The following PRKG1 variants were observed in gnomAD, a reference collection of about 807,000 sequenced individuals.
The protein encoded by PRKG1 is protein kinase cGMP-dependent 1.
In PRKG1, 35 loss-of-function variants were observed where a neutral mutation model predicts 88.1. The observed-to-expected ratio is 0.40, with a 90% CI of 0.30 to 0.53. PRKG1 has a LOEUF of 0.53. Ranked by LOEUF, PRKG1 falls within the 20% of genes least tolerant of loss-of-function variation. The pLI is 0.59. For missense variants in PRKG1, 540 were observed against 839.8 expected (o/e 0.64, Z 4.41); for synonymous variants, 303 against 292.5 (o/e 1.04, Z -0.37).
chr10:51,722,427 G>A (rs1190572220), intron 3 of PRKG1, among the ~76,000 whole-genome samples: 7 of 151,778 alleles, frequency 4.6e-5, no homozygotes, highest in Non-Finnish European at 8.8e-5. Context: ...GGAACTTCCT[G>A]AATGATTATA....
intron 2 of PRKG1, among the ~76,000 whole-genome samples, chr10:51,446,139 G>A (rs1054661890): frequency 2.4e-4 from 36 of 151,958 alleles, no homozygotes; most frequent in African/African-American, 6.3e-4. Context: ...TTAGTAATTC[G>A]TTACAGAATA....
At chr10:51,362,630 T>A (rs893393710) in intron 2 of PRKG1, among the ~76,000 whole-genome samples, 5 of 152,008 alleles carry the variant, frequency 3.3e-5, no homozygotes, top group Middle Eastern at 3.4e-3. Context: ...ACTGTATTTT[T>A]TTTATTTATT....
intron 5 of PRKG1, among the ~76,000 whole-genome samples, chr10:51,978,723 T>C (rs915183540): frequency 2.6e-5 from 4 of 152,018 alleles, no homozygotes; most frequent in African/African-American, 9.7e-5. Flanking sequence ...TTACTGTCAT[T>C]TGGGGATGGG....
intron 1 of PRKG1, among the ~76,000 whole-genome samples, chr10:51,104,347 A>T (rs1465791444): frequency 6.6e-6 from 1 of 152,234 alleles, no homozygotes; most frequent in Admixed American, 6.5e-5. Context: ...ATCTTCACAT[A>T]TAACTTTGCT....
chr10:51,437,385 A>G (rs994656675), intron 2 of PRKG1, among the ~76,000 whole-genome samples: 4 of 152,018 alleles, frequency 2.6e-5, no homozygotes, highest in African/African-American at 7.2e-5. Context: ...AAGTTGACCA[A>G]TGCTATACAA....
chr10:52,038,234 G>T (rs553549856), intron 5 of PRKG1, among the ~76,000 whole-genome samples: 94 of 152,074 alleles, frequency 6.2e-4, no homozygotes, highest in Non-Finnish European at 1.0e-3. Flanking sequence ...AAGGGTGGAA[G>T]GTTGCCTATA....
Position 51,031,981 on chromosome 10 carries a change from T to C in PRKG1, c.266+40337T>C, listed in dbSNP as rs141838429. Among the ~76,000 whole-genome samples the C allele has an allele frequency of 3.4e-4, 52 of 152,310 alleles. No homozygotes were observed. In the East Asian group the frequency reaches 8.1e-3, roughly 24 times the overall value. On this transcript the variant is annotated intron_variant, in intron 1 of 17. Coordinates refer to the PRKG1 transcript ENST00000401604. Reference sequence around the variant, plus strand: ...TATAGCATATCATTTATATGAAGCATATTTATCTCAAAGCTGGTTGGATGC... The same window carrying C: ...TATAGCATATCATTTATATGAAGCACATTTATCTCAAAGCTGGTTGGATGC...
At chr10:52,181,419 CTTTTTTTTTTTTTT>C (rs761799361) in intron 9 of PRKG1, among the ~76,000 whole-genome samples, 1 of 55,068 alleles carries the variant, frequency 1.8e-5, no homozygotes, top group Non-Finnish European at 3.8e-5. Context: ...CACAGCTCTT[CTTTTTTTTTTTTTT>C]TTTTTTTTTT....
At chr10:51,210,184 TG>T (rs1206974168) in intron 2 of PRKG1, among the ~76,000 whole-genome samples, 2 of 152,244 alleles carry the variant, frequency 1.3e-5, no homozygotes, top group South Asian at 2.1e-4. Flanking sequence ...CTCAACTGCA[TG>T]GAAACTGAAC....
rs187966394 is a variant in PRKG1, at chr10:51,512,119, G to C, written c.592+44283G>C. Among the ~76,000 whole-genome samples, 23 of 151,380 alleles carry C rather than the reference G, an allele frequency of 1.5e-4. No homozygotes were observed. In the East Asian group the frequency reaches 3.3e-3, roughly 22 times the overall value. ...AATAGGAGTTATTTTCTTTGGGAAA[G>C]AGGGTGGTGGTAGGACTGTGAGGGG... On this transcript the variant is annotated intron_variant, in intron 3 of 17. Coordinates refer to ENST00000373980, the MANE Select transcript of PRKG1 (RefSeq NM_006258.4).
Position 52,289,089 on chromosome 10 carries a change from A to G in PRKG1, c.1895+96A>G, listed in dbSNP as rs1456413144. The G allele has an allele frequency of 2.5e-6, 3 of 1,196,214 alleles. No individual in the cohort carries two copies. The African/African-American group carries it at 4.6e-5, about 18-fold the overall frequency. 74.1% of individuals were successfully genotyped at this position (1,196,214 alleles called of 1,614,324 possible). On this transcript the variant is annotated intron_variant, in intron 16 of 17. Coordinates refer to ENST00000373980, the MANE Select transcript of PRKG1 (RefSeq NM_006258.4). ...GGTGTAAAACTAGTATAATTAGCCT[A>G]TAGGAACATCCAAAGACAGCGTATA...
chr10:51,897,090 G>T (rs1202138054), intron 4 of PRKG1, among the ~76,000 whole-genome samples: 1 of 152,124 alleles, frequency 6.6e-6, no homozygotes, highest in Non-Finnish European at 1.5e-5. Flanking sequence ...TTGCATAATA[G>T]ACTGAACCAG....
chr10:51,567,386 T>C (rs920784849), intron 3 of PRKG1, among the ~76,000 whole-genome samples: 2 of 152,184 alleles, frequency 1.3e-5, no homozygotes, highest in African/African-American at 4.8e-5. Context: ...TAGACACTTT[T>C]CTGAGTAAAC....
intron 7 of PRKG1, among the ~76,000 whole-genome samples, chr10:52,098,277 T>A (rs1336253352): frequency 6.6e-6 from 1 of 152,196 alleles, no homozygotes; most frequent in Non-Finnish European, 1.5e-5. Context: ...TTTCTACAGT[T>A]CCCTCTAATT....
At chr10:51,780,593 C>G (rs529534381) in intron 3 of PRKG1, among the ~76,000 whole-genome samples, 1 of 152,116 alleles carries the variant, frequency 6.6e-6, no homozygotes, top group East Asian at 1.9e-4. Context: ...TCGTAAGTAA[C>G]TTTTAATCAT....
intron 3 of PRKG1, among the ~76,000 whole-genome samples, chr10:51,732,219 C>T (rs895754926): frequency 6.6e-6 from 1 of 152,124 alleles, no homozygotes; most frequent in Non-Finnish European, 1.5e-5. Flanking sequence ...GCCAACACAC[C>T]TGGCCCAAAT....
chr10:51,848,994 C>A (rs922313917), intron 4 of PRKG1, among the ~76,000 whole-genome samples: 5 of 151,958 alleles, frequency 3.3e-5, no homozygotes, highest in African/African-American at 1.2e-4. Context: ...ATTTAAACTA[C>A]AAAATCATAG....
chr10:51,720,959 T>C (rs1371584248), intron 3 of PRKG1, among the ~76,000 whole-genome samples: 1 of 151,904 alleles, frequency 6.6e-6, no homozygotes, highest in Non-Finnish European at 1.5e-5. Context: ...CCAAGCAGAA[T>C]TTTTTGGGAG....
At chr10:51,101,369 T>C (rs968511534) in intron 1 of PRKG1, among the ~76,000 whole-genome samples, 38 of 152,106 alleles carry the variant, frequency 2.5e-4, no homozygotes, top group African/African-American at 8.2e-4. Context: ...GGCACCTTGA[T>C]CTTGGACTTC....
Sources: gnomAD v4.1 joint callset for allele counts (sites outside exome capture counted in the v4.1 genomes callset) on GRCh38, gnomAD v4.1.1 for gene constraint, MANE v1.5 for transcripts, NCBI Gene and HGNC (gene_info 2026-07-23, HGNC 2026-07-21) for gene names.